ACOXL: variants seen among roughly 807,000 people sequenced by gnomAD.
ACOXL encodes acyl-CoA oxidase like.
A neutral mutation model predicts 71.9 loss-of-function variants in ACOXL; 70 were observed. That is an observed-to-expected ratio of 0.97 (90% CI 0.80 to 1.19). The LOEUF (loss-of-function observed/expected upper bound fraction) is 1.19. ACOXL is among the 50% of genes most tolerant of loss of function. The probability of loss-of-function intolerance (pLI) is 0.00; values close to 1 mark genes in which losing one functional copy is unlikely to be tolerated. For synonymous variants in ACOXL, 253 were observed against 281.6 expected (o/e 0.90, Z 1.02); for missense variants, 703 against 736.3 (o/e 0.95, Z 0.52).
At chr2:110,921,148 C>T (rs2060052292) in intron 11 of ACOXL, among the ~76,000 whole-genome samples, 1 of 152,000 alleles carries the variant, frequency 6.6e-6, no homozygotes, top group Non-Finnish European at 1.5e-5. Context: ...AGTGCGATTT[C>T]TCCCCTGAAA....
intron 9 of ACOXL, among the ~76,000 whole-genome samples, chr2:110,823,925 A>G (rs1688901538): frequency 6.6e-6 from 1 of 151,968 alleles, no homozygotes; most frequent in Non-Finnish European, 1.5e-5. Context: ...CTGGCTTTTT[A>G]TTGTCTTAAC....
chr2:110,741,911 G>T lies in ACOXL; in HGVS notation c.-23+9137G>T, dbSNP rs1188913588. On this transcript the variant is annotated intron_variant, in intron 1 of 17. Coordinates refer to ENST00000439055, the MANE Select transcript of ACOXL (RefSeq NM_001142807.4). ...GTTTTCCAAGTGTCTGCCTCCAGCGGTGAGAGAGGAGAGAGGCGGAGAGGT... is the reference window on the plus strand; with the variant it reads ...GTTTTCCAAGTGTCTGCCTCCAGCGTTGAGAGAGGAGAGAGGCGGAGAGGT... Among the ~76,000 whole-genome samples, 3 of 152,240 alleles carry T rather than the reference G, an allele frequency of 2.0e-5. No homozygotes were observed. In the East Asian group the frequency reaches 5.8e-4, roughly 29 times the overall value.
At chr2:111,064,406 G>A (rs2066956777) in intron 16 of ACOXL, among the ~76,000 whole-genome samples, 2 of 146,796 alleles carry the variant, frequency 1.4e-5, no homozygotes, top group African/African-American at 2.5e-5. Flanking sequence ...ACTGCAGCCC[G>A]GACTGGGCGA....
At chr2:111,107,093 C>T (rs888947012) in intron 17 of ACOXL, among the ~76,000 whole-genome samples, 3 of 152,214 alleles carry the variant, frequency 2.0e-5, no homozygotes, top group Admixed American at 6.5e-5. Context: ...CGTGTTGTGG[C>T]TGTAAGAGCA....
rs1022564835 is a variant in ACOXL, at chr2:110,758,757, G to A, written c.-22-9611G>A. Among the ~76,000 whole-genome samples, 3 of 152,008 alleles carry A rather than the reference G, an allele frequency of 2.0e-5. 1 individual carries two copies. Among genetic ancestry groups the A allele is most frequent in the Admixed American group, 2.0e-4 (3 of 15,258 alleles). ...TGCTCTTGGTTCTCTTGTTCTTTTA[G>A]TTGAGATGTTAGGTTGTTAACTTGA... On this transcript the variant is annotated intron_variant, in intron 1 of 17. Transcript: ENST00000439055.
chr2:110,797,201 C>T (rs72832828), intron 5 of ACOXL, among the ~76,000 whole-genome samples: 5 of 152,120 alleles, frequency 3.3e-5, no homozygotes, highest in Non-Finnish European at 7.4e-5. Flanking sequence ...ACAGAGAAGA[C>T]GGAGTTTTGA....
At chr2:111,089,541 A>G (rs767210083) in intron 16 of ACOXL, among the ~76,000 whole-genome samples, 6 of 152,236 alleles carry the variant, frequency 3.9e-5, no homozygotes, top group Non-Finnish European at 8.8e-5. Flanking sequence ...CAAGAGTCAT[A>G]AAGAACTCCT....
At chr2:110,741,559 G>T (rs1336784404) in intron 1 of ACOXL, among the ~76,000 whole-genome samples, 1 of 152,158 alleles carries the variant, frequency 6.6e-6, no homozygotes, top group Non-Finnish European at 1.5e-5. Flanking sequence ...CCGCGTGTTT[G>T]TGTGTGTATA....
chr2:110,871,039 G>T (rs1362226420), intron 10 of ACOXL, among the ~76,000 whole-genome samples: 2 of 152,126 alleles, frequency 1.3e-5, no homozygotes, highest in African/African-American at 4.8e-5. Context: ...GACTAATAAT[G>T]ACCTTATTAC....
chr2:110,916,244 TTTTTTC>T (rs1415741456), intron 11 of ACOXL, among the ~76,000 whole-genome samples: 1 of 152,112 alleles, frequency 6.6e-6, no homozygotes, highest in African/African-American at 2.4e-5. Context: ...GCTTCCTTTT[TTTTTTC>T]TTTTTCTCAG....
intron 12 of ACOXL, among the ~76,000 whole-genome samples, chr2:110,952,786 C>T (rs1288263135): frequency 5.3e-5 from 8 of 152,132 alleles, no homozygotes; most frequent in Non-Finnish European, 1.0e-4. Flanking sequence ...GTTTATTCTC[C>T]TGCTCCTCCT....
intron 10 of ACOXL, among the ~76,000 whole-genome samples, chr2:110,856,321 C>T (rs1308451746): frequency 1.3e-5 from 2 of 152,138 alleles, no homozygotes; most frequent in Non-Finnish European, 2.9e-5. Context: ...GTCCAGGTTA[C>T]CCACCCGTTA....
chr2:111,053,548 G>A (rs537031436), intron 16 of ACOXL, among the ~76,000 whole-genome samples: 1 of 152,288 alleles, frequency 6.6e-6, no homozygotes, highest in African/African-American at 2.4e-5. Context: ...CTCTTTCTCA[G>A]TGCTTGGTCC....
At chr2:111,004,967 C>A (rs1185426521) in intron 14 of ACOXL, among the ~76,000 whole-genome samples, 28 of 152,098 alleles carry the variant, frequency 1.8e-4, no homozygotes, top group Admixed American at 1.8e-3. Flanking sequence ...TTTTGTAGTT[C>A]TATGAGGTAA....
chr2:110,996,493 C>G (rs1558844470), intron 14 of ACOXL, among the ~76,000 whole-genome samples: 1 of 152,130 alleles, frequency 6.6e-6, no homozygotes, highest in South Asian at 2.1e-4. Flanking sequence ...CCACCAAGTA[C>G]AGTGCCAGTG....
In ACOXL at chr2:110,935,369, C is replaced by T. The variant is rs1277020753; in HGVS notation, c.1059+1727C>T. 3.9e-5 allele frequency among the ~76,000 whole-genome samples: 6 copies of T among 152,158 alleles called. No individual in the cohort carries two copies. In the East Asian group the frequency reaches 9.6e-4, roughly 24 times the overall value. ...TCCCTGCACAGAGACCCTCCTGCAC[C>T]CCTCTTGTCATCCTAACCCTCATCC... On this transcript the variant is annotated intron_variant, in intron 12 of 17. Transcript: ENST00000439055.
intron 3 of ACOXL, among the ~76,000 whole-genome samples, chr2:110,787,081 G>A (rs1483629048): frequency 1.3e-5 from 2 of 151,988 alleles, no homozygotes; most frequent in African/African-American, 4.8e-5. Context: ...AGGGGTGGCG[G>A]GGGGAGGGAG....
At chr2:110,892,493 G>A (rs1414482331) in intron 10 of ACOXL, among the ~76,000 whole-genome samples, 4 of 152,254 alleles carry the variant, frequency 2.6e-5, no homozygotes, top group Admixed American at 1.3e-4. Context: ...CATAAATGGC[G>A]CTCAACCACT....
chr2:111,047,792 T>TA (rs1227862640), intron 15 of ACOXL, among the ~76,000 whole-genome samples: 1 of 152,222 alleles, frequency 6.6e-6, no homozygotes, highest in African/African-American at 2.4e-5. Flanking sequence ...ACTGGGTGGG[T>TA]ATATGCATTG....
Sources: gnomAD v4.1 joint callset for allele counts (sites outside exome capture counted in the v4.1 genomes callset) on GRCh38, gnomAD v4.1.1 for gene constraint, MANE v1.5 for transcripts, NCBI Gene and HGNC (gene_info 2026-07-23, HGNC 2026-07-21) for gene names.